Variants in SLC22A23 observed in about 807,000 individuals in gnomAD.
The protein encoded by SLC22A23 is ion transporter protein.
A neutral mutation model predicts 61.0 loss-of-function variants in SLC22A23; 26 were observed. The ratio of observed to expected loss-of-function variants is 0.43; its 90% confidence interval spans 0.31 to 0.59. SLC22A23 has a LOEUF of 0.59. Ranked by LOEUF, SLC22A23 falls within the 20% of genes least tolerant of loss-of-function variation. The pLI is 0.11. For synonymous variants in SLC22A23, 430 were observed against 413.9 expected, an observed-to-expected ratio of 1.04 and a Z score of -0.47; for missense variants, 796 against 934.7, an observed-to-expected ratio of 0.85 and a Z score of 1.94.
Position 3,327,261 on chromosome 6 carries a change from G to C in SLC22A23, c.914-3259C>G, listed in dbSNP as rs4574697. 1.3e-5 allele frequency among the ~76,000 whole-genome samples: 2 copies of C among 152,258 alleles called. No individual in the cohort carries two copies. Among genetic ancestry groups the C allele is most frequent in the Non-Finnish European group, 1.5e-5 (1 of 68,044 alleles). On this transcript the variant is annotated intron_variant, in intron 3 of 9. Transcript: ENST00000406686. The surrounding 1 kb of genome is among the most constrained non-coding windows in gnomAD (Gnocchi z 4.1). ...GCCCCTTCAGGGCCTGGCTACTGTG[G>C]AGAGTAGATCACTCACAGGCAGGTG...
intron 3 of SLC22A23, among the ~76,000 whole-genome samples, chr6:3,405,971 T>C (rs1768796567): frequency 6.6e-6 from 1 of 152,166 alleles, no homozygotes; most frequent in Admixed American, 6.5e-5. Flanking sequence ...TTTAGGCTGT[T>C]TGGGTTGAAG....
At chr6:3,417,411 C>T (rs1769800758) in intron 1 of SLC22A23, among the ~76,000 whole-genome samples, 2 of 152,198 alleles carry the variant, frequency 1.3e-5, no homozygotes, top group Admixed American at 1.3e-4. Context: ...TAAAAGACGG[C>T]TTGGAATTTG....
intron 3 of SLC22A23, among the ~76,000 whole-genome samples, chr6:3,341,196 G>C (rs185218142): frequency 9.2e-5 from 14 of 152,322 alleles, no homozygotes; most frequent in Admixed American, 9.1e-4. Context: ...AGATTCATTG[G>C]AAAGAGGGTT....
intron 2 of SLC22A23, among the ~76,000 whole-genome samples, chr6:3,411,192 G>C (rs17136523): frequency 0.035 from 5,377 of 152,236 alleles, 325 homozygotes; most frequent in African/African-American, 0.12. Context: ...ATCTTTCCTT[G>C]ATTAACCGAT....
intron 3 of SLC22A23, among the ~76,000 whole-genome samples, chr6:3,388,898 C>T (rs540507384): frequency 1.3e-5 from 2 of 152,164 alleles, no homozygotes; most frequent in South Asian, 4.1e-4. Flanking sequence ...AATGGGGGTT[C>T]CCAGGGGCTG....
intron 3 of SLC22A23, among the ~76,000 whole-genome samples, chr6:3,345,777 T>C (rs752570591): frequency 1.3e-5 from 2 of 152,220 alleles, no homozygotes; most frequent in African/African-American, 2.4e-5. Context: ...GTTGACTCAG[T>C]AATACATTTC....
At chr6:3,291,400 A>G (rs1760577377) in intron 5 of SLC22A23, 1 of 152,236 alleles carries the variant, frequency 6.6e-6, no homozygotes, top group Admixed American at 6.5e-5. Flanking sequence ...TTTTTATTCA[A>G]ACATTGTTTT....
intron 6 of SLC22A23, among the ~76,000 whole-genome samples, chr6:3,287,418 T>C (rs1288503330): frequency 1.3e-5 from 2 of 152,084 alleles, no homozygotes; most frequent in African/African-American, 2.4e-5. Context: ...CAAAGCGCTT[T>C]CCAGGTACTG....
intron 3 of SLC22A23, among the ~76,000 whole-genome samples, chr6:3,354,005 C>T (rs1018837155): frequency 2.0e-5 from 3 of 152,214 alleles, no homozygotes; most frequent in African/African-American, 7.2e-5. Flanking sequence ...GTCCTTGGGT[C>T]GGTTGACTGA....
At chr6:3,361,065 C>T (rs867253164) in intron 3 of SLC22A23, among the ~76,000 whole-genome samples, 1 of 143,462 alleles carries the variant, frequency 7.0e-6, no homozygotes, top group African/African-American at 2.6e-5. Context: ...CCCACCCCCC[C>T]CATTTTATGC....
At position 3,336,929 on chromosome 6, in the gene SLC22A23, C is replaced by T. The variant is rs952109208; in HGVS notation, c.914-12927G>A. 7.2e-5 allele frequency among the ~76,000 whole-genome samples: 11 copies of T among 151,900 alleles called. No homozygotes were observed. In the East Asian group the frequency reaches 1.7e-3, roughly 24 times the overall value. On this transcript the variant is annotated intron_variant, in intron 3 of 9. Transcript: ENST00000406686. Reference sequence around the variant, plus strand: ...CTCCCACTTCAGCCTCCCACTTCAGCGTCCCTATAGCTGAGACTACAGGCA... The same window carrying T: ...CTCCCACTTCAGCCTCCCACTTCAGTGTCCCTATAGCTGAGACTACAGGCA...
chr6:3,284,603 C>A (rs1381734812), intron 8 of SLC22A23, among the ~76,000 whole-genome samples: 5 of 151,494 alleles, frequency 3.3e-5, no homozygotes, highest in African/African-American at 1.2e-4. Flanking sequence ...CTGGGGCAGG[C>A]CAGGCGGGTG....
At chr6:3,420,480 TA>T (rs542417863) in intron 1 of SLC22A23, among the ~76,000 whole-genome samples, 46 of 151,942 alleles carry the variant, frequency 3.0e-4, no homozygotes, top group Middle Eastern at 3.4e-3. Context: ...AATAAGAACA[TA>T]AAAAAATTGG....
chr6:3,363,058 A>G (rs1206641039), intron 3 of SLC22A23, among the ~76,000 whole-genome samples: 1 of 152,164 alleles, frequency 6.6e-6, no homozygotes, highest in South Asian at 2.1e-4. Flanking sequence ...CCCGCAGCCC[A>G]CTGCCTGCAA....
chr6:3,353,416 C>T (rs1764890772), intron 3 of SLC22A23, among the ~76,000 whole-genome samples: 1 of 152,210 alleles, frequency 6.6e-6, no homozygotes, highest in Admixed American at 6.5e-5. Flanking sequence ...CTTCCTGTGT[C>T]TCAACATCTG....
chr6:3,411,380 C>T (rs1294669060), intron 2 of SLC22A23, among the ~76,000 whole-genome samples: 7 of 152,072 alleles, frequency 4.6e-5, no homozygotes, highest in East Asian at 1.9e-4. Flanking sequence ...CTGTCCTAGA[C>T]GTGTTAATTA....
chr6:3,417,799 C>T (rs1233332760), intron 1 of SLC22A23, among the ~76,000 whole-genome samples: 1 of 152,194 alleles, frequency 6.6e-6, no homozygotes, highest in Non-Finnish European at 1.5e-5. Context: ...GAAGCAAAAA[C>T]GCTGTGGGAA....
At chr6:3,424,026 T>C (rs1278800059) in intron 1 of SLC22A23, among the ~76,000 whole-genome samples, 2 of 152,224 alleles carry the variant, frequency 1.3e-5, no homozygotes, top group Non-Finnish European at 2.9e-5. Context: ...CCGCAGGCTA[T>C]GGCCTTGTTG....
intron 3 of SLC22A23, among the ~76,000 whole-genome samples, chr6:3,354,807 T>C (rs539543300): frequency 6.6e-6 from 1 of 152,234 alleles, no homozygotes; most frequent in Admixed American, 6.5e-5. Flanking sequence ...ATGTAATGGG[T>C]TTCTGAATCT....
Sources: allele counts gnomAD v4.1 joint callset (sites outside exome capture counted in the v4.1 genomes callset), GRCh38; gene constraint gnomAD v4.1.1; non-coding constraint Gnocchi (gnomAD v3.1); transcripts MANE v1.5; gene names NCBI Gene and HGNC (gene_info 2026-07-23, HGNC 2026-07-21).